LRRFIP2: variants seen among roughly 807,000 people sequenced by gnomAD.
LRRFIP2 encodes the protein LRR binding FLII interacting protein 2.
A neutral mutation model predicts 125.9 loss-of-function variants in LRRFIP2; 109 were observed. The observed-to-expected ratio is 0.87, with a 90% confidence interval of 0.74 to 1.01. The LOEUF is 1.01. Ranked by LOEUF, LRRFIP2 falls within the 50% of genes least tolerant of loss-of-function variation. LRRFIP2 has a pLI of 0.00. For synonymous variants in LRRFIP2, 291 were observed against 293.1 expected (o/e 0.99, Z 0.07); for missense variants, 850 against 862.3 (o/e 0.99, Z 0.18).
intron 9 of LRRFIP2, among the ~76,000 whole-genome samples, chr3:37,110,728 T>C (rs1039558889): frequency 6.6e-6 from 1 of 152,180 alleles, no homozygotes; most frequent in South Asian, 2.1e-4. Context: ...TGATGTTCAC[T>C]GTATTATTCC....
Position 37,054,510 on chromosome 3 carries a change from G to A in LRRFIP2, c.1956C>T (p.Ser652=). ...ATCTCAGAACCTGTCCCTCAAGCCG[G>A]CTAATCTGTAAGTATGAGAACATAG... ...QDITTLEQSI[S]RLEGQVLRYK... Residue 652 remains serine (S), a synonymous_variant, in exon 27 of 28, where the codon AGC becomes AGT. Transcript: ENST00000336686. The A allele has an allele frequency of 6.2e-7, 1 of 1,612,574 alleles. No individual in the cohort carries two copies. Among genetic ancestry groups the A allele is most frequent in the Non-Finnish European group, 8.5e-7 (1 of 1,178,974 alleles).
chr3:37,113,023 G>A lies in LRRFIP2; in HGVS notation c.373-43C>T, dbSNP rs187634040. 1.2e-4 allele frequency: 136 copies of A among 1,112,270 alleles called. No homozygotes were observed. In the African/African-American group the frequency reaches 1.6e-3, roughly 13 times the overall value. The allele number at this position is 1,112,270 out of a possible 1,614,324, so 68.9% of individuals were successfully genotyped here. ...AAGTTAACTTCAATGATTGCATAGC[G>A]AAGTTATGAAAATAATAAAATTCAT... On this transcript the variant is annotated intron_variant, in intron 7 of 27. Coordinates refer to ENST00000336686, the MANE Select transcript of LRRFIP2 (RefSeq NM_006309.4).
At chr3:37,092,761 G>A (rs886898980) in intron 17 of LRRFIP2, among the ~76,000 whole-genome samples, 6 of 152,070 alleles carry the variant, frequency 3.9e-5, no homozygotes, top group South Asian at 2.1e-4. Flanking sequence ...CTTCTCTGCC[G>A]CTGTTGCAAG....
chr3:37,095,024 T>C, intron 16 of LRRFIP2, 116 bp from the exon 17 acceptor site: 1 of 700,924 alleles, frequency 1.4e-6, no homozygotes, highest in Admixed American at 2.1e-5. Flanking sequence ...ATGAAGAAGT[T>C]ACCATGTGTA....
At chr3:37,093,618 T>C (rs886517364) in intron 17 of LRRFIP2, among the ~76,000 whole-genome samples, 4 of 152,218 alleles carry the variant, frequency 2.6e-5, no homozygotes, top group Admixed American at 6.5e-5. Context: ...ACTGAACTTC[T>C]GGCCTGCAAT....
At chr3:37,150,682 G>T (rs987098288) in intron 1 of LRRFIP2, among the ~76,000 whole-genome samples, 3 of 152,082 alleles carry the variant, frequency 2.0e-5, no homozygotes, top group African/African-American at 4.8e-5. Flanking sequence ...TTGCTAAGAA[G>T]TATAGCTCAT....
At chr3:37,093,715 G>C (rs769150386) in intron 17 of LRRFIP2, among the ~76,000 whole-genome samples, 1 of 152,054 alleles carries the variant, frequency 6.6e-6, no homozygotes. Context: ...CAGTTGTCAG[G>C]GTAAAACTGA....
chr3:37,094,453 T>C (rs1374915148), intron 17 of LRRFIP2, among the ~76,000 whole-genome samples: 2 of 152,184 alleles, frequency 1.3e-5, no homozygotes, highest in African/African-American at 4.8e-5. Flanking sequence ...CACAATCTAG[T>C]TCTTTGTACA....
In LRRFIP2 at chr3:37,102,934, T is replaced by C; in HGVS notation, c.863A>G (p.Asp288Gly). Residue 288 changes from aspartate to glycine, a missense_variant, in exon 15 of 28, where the codon GAT becomes GGT. Coordinates refer to ENST00000336686, the MANE Select transcript of LRRFIP2 (RefSeq NM_006309.4). ...ATGCAATACACTCACGCTGGACAAA[T>C]CTGGGATACTGATATCATCCACCTC... ...VSEVDDISIP[D>G]LSSLDEKSDK... 6.4e-7 allele frequency: 1 copy of C among 1,559,344 alleles called. No individual in the cohort carries two copies. Among genetic ancestry groups the C allele is most frequent in the Non-Finnish European group, 8.7e-7 (1 of 1,150,016 alleles).
chr3:37,150,705 T>A (rs942884972), intron 1 of LRRFIP2, among the ~76,000 whole-genome samples: 1 of 152,168 alleles, frequency 6.6e-6, no homozygotes, highest in African/African-American at 2.4e-5. Context: ...AGCTAAATAT[T>A]CCATAACTTA....
intron 2 of LRRFIP2, among the ~76,000 whole-genome samples, chr3:37,140,677 C>T (rs1040414726): frequency 1.6e-4 from 25 of 151,676 alleles, no homozygotes; most frequent in African/African-American, 5.3e-4. Context: ...AACTGAGGCT[C>T]TCCCACTAGA....
intron 6 of LRRFIP2, among the ~76,000 whole-genome samples, chr3:37,115,844 A>G (rs1404251948): frequency 6.6e-6 from 1 of 152,240 alleles, no homozygotes; most frequent in African/African-American, 2.4e-5. Flanking sequence ...AAAACTAAAT[A>G]GTAACTACAT....
At chr3:37,169,299 A>G (rs2150388830) in intron 1 of LRRFIP2, among the ~76,000 whole-genome samples, 1 of 152,378 alleles carries the variant, frequency 6.6e-6, no homozygotes, top group East Asian at 1.9e-4. Context: ...TTGTACCACA[A>G]TTTTAAAAAC....
At chr3:37,115,809 T>C (rs1285393986) in intron 6 of LRRFIP2, among the ~76,000 whole-genome samples, 1 of 152,194 alleles carries the variant, frequency 6.6e-6, no homozygotes, top group Non-Finnish European at 1.5e-5. Flanking sequence ...AGATATGTAA[T>C]ACCACATTTC....
chr3:37,092,321 C>T (rs2093488382), intron 17 of LRRFIP2, among the ~76,000 whole-genome samples: 1 of 152,234 alleles, frequency 6.6e-6, no homozygotes, highest in Non-Finnish European at 1.5e-5. Context: ...TCTGCAATTA[C>T]AAGCAGGATC....
chr3:37,160,390 A>G (rs1297121008), intron 1 of LRRFIP2, among the ~76,000 whole-genome samples: 1 of 152,216 alleles, frequency 6.6e-6, no homozygotes, highest in African/African-American at 2.4e-5. Flanking sequence ...TAAACTACGC[A>G]GGGAGAAGAA....
At chr3:37,108,021 T>C (rs1370675993) in intron 13 of LRRFIP2, 52 bp downstream of exon 13, 2 of 1,452,624 alleles carry the variant, frequency 1.4e-6, no homozygotes, top group Admixed American at 1.7e-5. Flanking sequence ...GAGTACAGAT[T>C]AACGCAACAA....
In LRRFIP2 at chr3:37,053,174, C is replaced by T. The variant is rs2085944834; in HGVS notation, c.*677G>A. ...AGTTGTATTGAAGAAAAAAAGGACC[C>T]AACTCTTACTTTAGGAGTATTAGGC... On this transcript the variant is annotated 3_prime_UTR_variant, in exon 28 of 28. Transcript: ENST00000336686. 1 of 152,524 alleles carries T rather than the reference C, an allele frequency of 6.6e-6. No homozygotes were observed. The allele number at this position is 152,524 out of a possible 1,614,324, so 9.4% of individuals were successfully genotyped here. A position where few individuals can be genotyped will look rare whatever the true frequency, so the allele number is the denominator to read the frequency against.
chr3:37,079,803 C>T (rs1246850170), intron 19 of LRRFIP2, among the ~76,000 whole-genome samples: 1 of 152,084 alleles, frequency 6.6e-6, no homozygotes, highest in Non-Finnish European at 1.5e-5. Flanking sequence ...AAACATCACG[C>T]TAAGCGAAAG....
Sources: gnomAD v4.1 joint callset for allele counts (sites outside exome capture counted in the v4.1 genomes callset) on GRCh38, gnomAD v4.1.1 for gene constraint, MANE v1.5 for transcripts, NCBI Gene and HGNC (gene_info 2026-07-23, HGNC 2026-07-21) for gene names.